The following TSHZ1 variants were observed in gnomAD, a reference collection of about 807,000 sequenced individuals.
TSHZ1 encodes the protein teashirt zinc finger homeobox 1.
In TSHZ1, 12 loss-of-function variants were observed where a neutral mutation model predicts 67.1. That is an observed-to-expected ratio of 0.18 (90% CI 0.11 to 0.29). TSHZ1 has a LOEUF of 0.29. Ranked by LOEUF, TSHZ1 falls within the 10% of genes least tolerant of loss-of-function variation. The pLI is 1.00. For synonymous variants in TSHZ1, 632 were observed against 622.4 expected, an observed-to-expected ratio of 1.02 and a Z score of -0.23; for missense variants, 1,305 against 1,413.9, an observed-to-expected ratio of 0.92 and a Z score of 1.23.
intron 1 of TSHZ1, among the ~76,000 whole-genome samples, chr18:75,248,145 G>A (rs955827173): frequency 1.3e-5 from 2 of 152,158 alleles, no homozygotes; most frequent in Non-Finnish European, 2.9e-5. Context: ...TTCTCATACT[G>A]GAAACTGTAT....
In TSHZ1 at chr18:75,210,965, A is replaced by C. The variant is rs1599364354; in HGVS notation, c.-912A>C. 4 of 134,152 alleles carry C rather than the reference A, an allele frequency of 3.0e-5. No homozygotes were observed. Among genetic ancestry groups the C allele is most frequent in the Admixed American group, 7.3e-5 (1 of 13,648 alleles). The allele number at this position is 134,152 out of a possible 1,614,324, so 8.3% of individuals were successfully genotyped here. A position where few individuals can be genotyped will look rare whatever the true frequency, so the allele number is the denominator to read the frequency against. Reference sequence around the variant, plus strand: ...TGTCTGCTCTTCACCCCCTTTGCACACACTCTCCGGGTTGTTGTTGCCTTT... The same window carrying C: ...TGTCTGCTCTTCACCCCCTTTGCACCCACTCTCCGGGTTGTTGTTGCCTTT... On this transcript the variant is annotated 5_prime_UTR_variant, in exon 1 of 2. Coordinates refer to ENST00000580243, the MANE Select transcript of TSHZ1 (RefSeq NM_001308210.2).
chr18:75,237,664 G>A (rs757736844), intron 1 of TSHZ1, among the ~76,000 whole-genome samples: 1 of 152,078 alleles, frequency 6.6e-6, no homozygotes, highest in African/African-American at 2.4e-5. Context: ...GCAAGTATTT[G>A]TAGGAGAGGC....
At chr18:75,253,588 C>A (rs1029888833) in intron 1 of TSHZ1, among the ~76,000 whole-genome samples, 14 of 152,012 alleles carry the variant, frequency 9.2e-5, no homozygotes, top group African/African-American at 2.9e-4. Flanking sequence ...GATTATTTAC[C>A]CTGGAAAAGG....
At position 75,288,691 on chromosome 18, in the gene TSHZ1, C is replaced by G. The variant is rs2023821406; in HGVS notation, c.*50C>G. On this transcript the variant is annotated 3_prime_UTR_variant, in exon 2 of 2. Transcript: ENST00000580243. This position sits in a 1 kb window ranked among gnomAD's most constrained non-coding sequence, Gnocchi z 4.9. ...GAACATTGCACTAAACGTCGTCGAG[C>G]TGCACTAGGCCTGGCCTGAGCCTCT... 6.5e-7 allele frequency: 1 copy of G among 1,530,004 alleles called. No homozygotes were observed. The highest frequency in any genetic ancestry group is 2.1e-5 in the Admixed American group (1 of 47,546). The allele number at this position is 1,530,004 out of a possible 1,614,324, so 94.8% of individuals were successfully genotyped here.
chr18:75,258,059 A>G (rs1188333587), intron 1 of TSHZ1, among the ~76,000 whole-genome samples: 2 of 152,086 alleles, frequency 1.3e-5, no homozygotes, highest in Non-Finnish European at 2.9e-5. Context: ...ACCTGCTCCT[A>G]GGACCCATCT....
At chr18:75,213,460 A>G (rs1236487504) in intron 1 of TSHZ1, among the ~76,000 whole-genome samples, 2 of 152,158 alleles carry the variant, frequency 1.3e-5, no homozygotes. Flanking sequence ...ACATTTTCAC[A>G]GTTAGAGGGA....
chr18:75,218,169 G>A (rs2022797584), intron 1 of TSHZ1, among the ~76,000 whole-genome samples: 1 of 152,220 alleles, frequency 6.6e-6, no homozygotes, highest in Admixed American at 6.5e-5. Context: ...AAAAATATGT[G>A]CATAGGAAGG....
chr18:75,216,929 C>T (rs928869486), intron 1 of TSHZ1, among the ~76,000 whole-genome samples: 15 of 152,150 alleles, frequency 9.9e-5, no homozygotes, highest in East Asian at 5.8e-4. Flanking sequence ...TCCAGCCAAA[C>T]GCCAGACTCA....
rs768888259 is a variant in TSHZ1, at chr18:75,285,674, A to G, written c.267A>G (p.Lys89=). The part of the protein sequence containing the change: ...SESSDQLAHF[K]GSSSREEKED... ...GCAGCGACCAGCTAGCCCATTTCAA[A>G]GGCTCTTCCTCTCGAGAAGAGAAGG... Residue 89 remains lysine, a synonymous_variant, in exon 2 of 2, where the codon AAA becomes AAG. Coordinates refer to ENST00000580243, the MANE Select transcript of TSHZ1 (RefSeq NM_001308210.2). The G allele has an allele frequency of 1.2e-6, 2 of 1,613,970 alleles. No individual in the cohort carries two copies. Among genetic ancestry groups the G allele is most frequent in the Non-Finnish European group, 1.7e-6 (2 of 1,180,022 alleles).
intron 1 of TSHZ1, among the ~76,000 whole-genome samples, chr18:75,275,727 A>T (rs78859241): frequency 1.3e-5 from 2 of 152,168 alleles, no homozygotes; most frequent in Non-Finnish European, 2.9e-5. Context: ...ACGTGGGGGT[A>T]AAAACTGAAA....
rs376146638 is a variant in TSHZ1 at position 75,223,800 on chromosome 18, TG to T, written c.40+11887del. Among the ~76,000 whole-genome samples the T allele has an allele frequency of 6.0e-4, 91 of 152,116 alleles. 2 individuals are homozygous for T. In the East Asian group the frequency reaches 0.015, roughly 26 times the overall value. On this transcript the variant is annotated intron_variant, in intron 1 of 1. Coordinates refer to ENST00000580243, the MANE Select transcript of TSHZ1 (RefSeq NM_001308210.2). ...TAATCAATCTTCCAGAGAGAAGCAA[TG>T]GGCATTAGAAGGCCGCTATCCTGTG...
At position 75,281,678 on chromosome 18, in the gene TSHZ1, G is replaced by C. The variant is rs1000988180; in HGVS notation, c.41-3770G>C. 6.6e-6 allele frequency among the ~76,000 whole-genome samples: 1 copy of C among 152,180 alleles called. No individual in the cohort carries two copies. The highest frequency in any genetic ancestry group is 2.4e-5 in the African/African-American group (1 of 41,438). ...ACGGGCAAGAGCAGGAGGCAGACCT[G>C]GGGATGCGGCAGCTCAGAACGGGGA... On this transcript the variant is annotated intron_variant, in intron 1 of 1. Coordinates refer to ENST00000580243, the MANE Select transcript of TSHZ1 (RefSeq NM_001308210.2). The surrounding 1 kb of genome is among the most constrained non-coding windows in gnomAD (Gnocchi z 5.3).
chr18:75,212,481 T>C (rs543637713), intron 1 of TSHZ1, among the ~76,000 whole-genome samples: 6 of 152,304 alleles, frequency 3.9e-5, no homozygotes, highest in Non-Finnish European at 7.4e-5. Context: ...CAGACTCTGA[T>C]TGAACAGAAA....
Position 75,249,482 on chromosome 18 carries a change from A to C in TSHZ1, c.41-35966A>C, listed in dbSNP as rs9961698. Among the ~76,000 whole-genome samples the C allele has an allele frequency of 4.0e-3, 574 of 143,650 alleles. 8 individuals carry two copies. Among genetic ancestry groups the C allele is most frequent in the African/African-American group, 0.014 (542 of 38,266 alleles). The allele number at this position is 143,650 out of a possible 152,430, so 94.2% of individuals were successfully genotyped here. ...TGCAGTGGATGGGGGTGGCTTTGGT[A>C]GGGGGGAAGGGTAGGTAACTTCCTT... is the stretch of plus-strand genomic sequence containing the variant. On this transcript the variant is annotated intron_variant, in intron 1 of 1. Coordinates refer to ENST00000580243, the MANE Select transcript of TSHZ1 (RefSeq NM_001308210.2).
rs761257080 is a variant in TSHZ1 at position 75,288,905 on chromosome 18, G to A, written c.*264G>A. The A allele has an allele frequency of 8.5e-5, 31 of 365,638 alleles. No homozygotes were observed. Among genetic ancestry groups the A allele is most frequent in the East Asian group, 7.2e-4 (14 of 19,500 alleles). 22.6% of individuals were successfully genotyped at this position (365,638 alleles called of 1,614,324 possible). On this transcript the variant is annotated 3_prime_UTR_variant, in exon 2 of 2. Coordinates refer to ENST00000580243, the MANE Select transcript of TSHZ1 (RefSeq NM_001308210.2). This position sits in a 1 kb window ranked among gnomAD's most constrained non-coding sequence, Gnocchi z 4.9. ...GCTATCTTTTGTAGGAAATAGTGGG[G>A]CACACTACTCAGAGACATTATTTAG...
At chr18:75,245,040 A>G (rs1361083045) in intron 1 of TSHZ1, among the ~76,000 whole-genome samples, 1 of 152,146 alleles carries the variant, frequency 6.6e-6, no homozygotes, top group African/African-American at 2.4e-5. Flanking sequence ...ACACTGAAGG[A>G]GAGAACTCTT....
intron 1 of TSHZ1, among the ~76,000 whole-genome samples, chr18:75,234,713 T>C (rs1408461420): frequency 1.3e-5 from 2 of 152,226 alleles, no homozygotes; most frequent in South Asian, 2.1e-4. Flanking sequence ...TTGTGGATAT[T>C]TCTATTAACT....
chr18:75,253,872 T>C (rs2023333425), intron 1 of TSHZ1, among the ~76,000 whole-genome samples: 1 of 152,238 alleles, frequency 6.6e-6, no homozygotes, highest in Non-Finnish European at 1.5e-5. Context: ...CTTTATAAAA[T>C]ACCCACCAGT....
intron 1 of TSHZ1, among the ~76,000 whole-genome samples, chr18:75,277,407 G>A (rs1212393124): frequency 6.6e-6 from 1 of 152,188 alleles, no homozygotes; most frequent in Non-Finnish European, 1.5e-5. Context: ...GGAGGAGGAG[G>A]AGCAGGCGTC....
Sources: gnomAD v4.1 joint callset for allele counts (sites outside exome capture counted in the v4.1 genomes callset) on GRCh38, gnomAD v4.1.1 for gene constraint, Gnocchi (gnomAD v3.1) non-coding constraint, MANE v1.5 for transcripts, NCBI Gene and HGNC (gene_info 2026-07-23, HGNC 2026-07-21) for gene names.